RALGPS1: variants seen among roughly 807,000 people sequenced by gnomAD.
The protein encoded by RALGPS1 is Ral GEF with PH domain and SH3 binding motif 1.
Under a neutral mutation model 78.8 loss-of-function variants are expected in RALGPS1, and 19 were observed. That is an observed-to-expected ratio of 0.24 (90% CI 0.17 to 0.35). RALGPS1 has a LOEUF of 0.35. Ranked by LOEUF, RALGPS1 falls within the 10% of genes least tolerant of loss-of-function variation. RALGPS1 has a pLI of 1.00. For synonymous variants in RALGPS1, 228 were observed against 256.3 expected, an observed-to-expected ratio of 0.89 and a Z score of 1.06; for missense variants, 454 against 688.3, an observed-to-expected ratio of 0.66 and a Z score of 3.81.
chr9:126,974,993 G>A (rs1488091292), intron 3 of RALGPS1, among the ~76,000 whole-genome samples: 3 of 151,892 alleles, frequency 2.0e-5, no homozygotes, highest in Admixed American at 2.0e-4. Context: ...AAACTGAGTG[G>A]CCTTGAGGGT....
chr9:126,951,872 G>C (rs1235118747), intron 1 of RALGPS1, among the ~76,000 whole-genome samples: 2 of 152,190 alleles, frequency 1.3e-5, no homozygotes, highest in Non-Finnish European at 2.9e-5. Flanking sequence ...AAAAGAGGAA[G>C]TCAAATTGTC....
At chr9:127,094,455 A>G (rs535915100) in intron 8 of RALGPS1, among the ~76,000 whole-genome samples, 1 of 152,312 alleles carries the variant, frequency 6.6e-6, no homozygotes, top group South Asian at 2.1e-4. Flanking sequence ...GCACCCTTCA[A>G]TTCTGACTCC....
At chr9:126,941,732 C>T (rs1564284127) in intron 1 of RALGPS1, among the ~76,000 whole-genome samples, 1 of 152,118 alleles carries the variant, frequency 6.6e-6, no homozygotes, top group Admixed American at 6.5e-5. Context: ...GTGAGTGTGC[C>T]CTGAGTTTAT....
At chr9:127,050,767 A>G (rs967749906) in intron 6 of RALGPS1, among the ~76,000 whole-genome samples, 9 of 151,948 alleles carry the variant, frequency 5.9e-5, no homozygotes, top group African/African-American at 1.7e-4. Flanking sequence ...TCCTCCCCAT[A>G]CACTGGTTTC....
At chr9:127,068,184 T>C (rs892474009) in intron 7 of RALGPS1, among the ~76,000 whole-genome samples, 1 of 152,336 alleles carries the variant, frequency 6.6e-6, no homozygotes, top group Non-Finnish European at 1.5e-5. Flanking sequence ...AAAAGAAGGT[T>C]ATCTTCTTTT....
intron 11 of RALGPS1, chr9:127,178,273 C>A: frequency 2.8e-6 from 1 of 350,978 alleles, no homozygotes; most frequent in Non-Finnish European, 5.2e-6. Context: ...GCAAGGGGTC[C>A]AGGAGATGCA....
chr9:126,972,638 A>C (rs1419578249), intron 3 of RALGPS1, among the ~76,000 whole-genome samples: 3 of 152,266 alleles, frequency 2.0e-5, no homozygotes, highest in Non-Finnish European at 2.9e-5. Context: ...TGATTTGCAG[A>C]CATACCAAGA....
chr9:126,976,545 T>C (rs1222759936), intron 3 of RALGPS1, among the ~76,000 whole-genome samples: 1 of 152,052 alleles, frequency 6.6e-6, no homozygotes, highest in African/African-American at 2.4e-5. Flanking sequence ...TCCCATAAAA[T>C]AGGGATTATT....
chr9:127,165,583 T>A (rs1032406177), intron 8 of RALGPS1, among the ~76,000 whole-genome samples: 1 of 152,226 alleles, frequency 6.6e-6, no homozygotes, highest in African/African-American at 2.4e-5. Flanking sequence ...GTTGCTTTTT[T>A]AATTTTTTCT....
At chr9:127,044,089 A>G (rs776146419) in intron 5 of RALGPS1, among the ~76,000 whole-genome samples, 3 of 152,238 alleles carry the variant, frequency 2.0e-5, no homozygotes, top group Non-Finnish European at 2.9e-5. Context: ...ACAAATGTTT[A>G]TAGCAGCTTT....
At chr9:127,033,485 C>T (rs1399693965) in intron 4 of RALGPS1, among the ~76,000 whole-genome samples, 1 of 152,198 alleles carries the variant, frequency 6.6e-6, no homozygotes, top group Non-Finnish European at 1.5e-5. Flanking sequence ...CTGCCTCTCA[C>T]TAAAGATCTT....
At chr9:126,937,573 A>G (rs1194364741) in intron 1 of RALGPS1, among the ~76,000 whole-genome samples, 3 of 152,224 alleles carry the variant, frequency 2.0e-5, no homozygotes. Flanking sequence ...CAAAGATATC[A>G]TGGACCCATG....
chr9:127,098,620 C>T (rs146108704), intron 8 of RALGPS1, among the ~76,000 whole-genome samples: 1 of 152,174 alleles, frequency 6.6e-6, no homozygotes, highest in Admixed American at 6.5e-5. Context: ...CCGGACCCCA[C>T]TGCCATACCC....
intron 4 of RALGPS1, among the ~76,000 whole-genome samples, chr9:126,979,560 G>A (rs2041041180): frequency 6.6e-6 from 1 of 152,176 alleles, no homozygotes; most frequent in Non-Finnish European, 1.5e-5. Context: ...ACATCAAGGA[G>A]GGCAGCCCAC....
At chr9:127,009,364 C>T (rs2044146114) in intron 4 of RALGPS1, among the ~76,000 whole-genome samples, 1 of 152,130 alleles carries the variant, frequency 6.6e-6, no homozygotes, top group Non-Finnish European at 1.5e-5. Context: ...CAGAGCAGTT[C>T]AGATTTCTCA....
At chr9:127,045,648 T>A (rs1207052855) in intron 5 of RALGPS1, among the ~76,000 whole-genome samples, 2 of 152,088 alleles carry the variant, frequency 1.3e-5, no homozygotes, top group Non-Finnish European at 2.9e-5. Flanking sequence ...GAGACATCAG[T>A]ATGAACTCAT....
chr9:127,189,757 A>G (rs1258740328), intron 11 of RALGPS1, among the ~76,000 whole-genome samples: 3 of 152,186 alleles, frequency 2.0e-5, no homozygotes, highest in Non-Finnish European at 4.4e-5. Flanking sequence ...GGGACCCCAC[A>G]GGCAGAGAGC....
Position 127,091,526 on chromosome 9 carries a change from G to T in RALGPS1, c.610+22170G>T, listed in dbSNP as rs1028644567. 1.2e-5 allele frequency: 14 copies of T among 1,123,240 alleles called. No individual in the cohort carries two copies. Among genetic ancestry groups the T allele is most frequent in the Non-Finnish European group, 1.5e-5 (12 of 789,746 alleles). The allele number at this position is 1,123,240 out of a possible 1,614,324, so 69.6% of individuals were successfully genotyped here. A position where few individuals can be genotyped will look rare whatever the true frequency, so the allele number is the denominator to read the frequency against. On this transcript the variant is annotated intron_variant, in intron 8 of 18. Transcript: ENST00000259351. This position sits in a 1 kb window ranked among gnomAD's most constrained non-coding sequence, Gnocchi z 4.3. ...TGTGGGCAGGAGAAGGGACCCTCAGGGGGTGGTAACAGGGTCAGGCAGCTT... is the reference window on the plus strand; with the variant it reads ...TGTGGGCAGGAGAAGGGACCCTCAGTGGGTGGTAACAGGGTCAGGCAGCTT...
intron 8 of RALGPS1, among the ~76,000 whole-genome samples, chr9:127,155,076 C>T (rs2058637932): frequency 1.3e-5 from 2 of 152,168 alleles, no homozygotes; most frequent in Admixed American, 1.3e-4. Context: ...ATTTAGCTTG[C>T]GGATACCACA....
Sources: allele counts gnomAD v4.1 joint callset (sites outside exome capture counted in the v4.1 genomes callset), GRCh38; gene constraint gnomAD v4.1.1; non-coding constraint Gnocchi (gnomAD v3.1); transcripts MANE v1.5; gene names NCBI Gene and HGNC (gene_info 2026-07-23, HGNC 2026-07-21).